GFPT1: variants seen among roughly 807,000 people sequenced by gnomAD.
GFPT1 encodes the protein glutamine--fructose-6-phosphate transaminase 1.
A neutral mutation model predicts 92.0 loss-of-function variants in GFPT1; 40 were observed. That is an observed-to-expected ratio of 0.43 (90% CI 0.34 to 0.57). The LOEUF is 0.57. GFPT1 is among the 20% of genes least tolerant of loss of function. GFPT1 has a pLI of 0.02. For missense variants in GFPT1, 448 were observed against 869.1 expected, an observed-to-expected ratio of 0.52 and a Z score of 6.09; for synonymous variants, 269 against 280.6, an observed-to-expected ratio of 0.96 and a Z score of 0.41.
At chr2:69,374,319 C>CTT (rs5831970) in intron 1 of GFPT1, among the ~76,000 whole-genome samples, 295 of 144,306 alleles carry the variant, frequency 2.0e-3, no homozygotes, top group Middle Eastern at 0.011. Context: ...ATAATTTTTT[C>CTT]TTTTTTTTTT....
At chr2:69,328,875 G>A (rs767824551) in intron 17 of GFPT1, among the ~76,000 whole-genome samples, 2 of 151,744 alleles carry the variant, frequency 1.3e-5, no homozygotes, top group Admixed American at 6.6e-5. Context: ...TAATGTTTTT[G>A]TATTATTAGT....
Position 69,329,721 on chromosome 2 carries a change from T to C in GFPT1, c.1560A>G (p.Arg520=). ...MCDDRISMQE[R]RKEIMLGLKR... is the part of the protein sequence containing the mutation. ...TCAATCCAAGCATGATCTCTTTGCG[T>C]CTTTCTTGCATGGAGATCCGATCAT... Residue 520 remains arginine, a synonymous_variant, in exon 16 of 20, where the codon AGA becomes AGG. Transcript: ENST00000357308. 1 of 1,612,926 alleles carries C rather than the reference T, an allele frequency of 6.2e-7. No homozygotes were observed. The highest frequency in any genetic ancestry group is 8.5e-7 in the Non-Finnish European group (1 of 1,178,922).
At position 69,322,299 on chromosome 2, in the gene GFPT1, G is replaced by A. The variant is rs1670419111; in HGVS notation, c.*3890C>T. 1 of 152,036 alleles carries A rather than the reference G, an allele frequency of 6.6e-6. No homozygotes were observed. Among genetic ancestry groups the A allele is most frequent in the African/African-American group, 2.4e-5 (1 of 41,408 alleles). 9.4% of individuals were successfully genotyped at this position (152,036 alleles called of 1,614,324 possible). A position where few individuals can be genotyped will look rare whatever the true frequency, so the allele number is the denominator to read the frequency against. On this transcript the variant is annotated 3_prime_UTR_variant, in exon 20 of 20. Transcript: ENST00000357308. ...GATCCTTTTCAATAATACTTTCAATGACATTGTGCTTCTTTAGAAAAATCA... is the reference window on the plus strand; with the variant it reads ...GATCCTTTTCAATAATACTTTCAATAACATTGTGCTTCTTTAGAAAAATCA...
In GFPT1 at chr2:69,370,925, G is replaced by A. The variant is rs1011622623; in HGVS notation, c.116-817C>T. On this transcript the variant is annotated intron_variant, in intron 2 of 19. Coordinates refer to ENST00000357308, the MANE Select transcript of GFPT1 (RefSeq NM_001244710.2). Reference sequence around the variant, plus strand: ...TGAGGCAGGAGAATGGCTTGAACCCGAGAGGTGGAGGTTGCAGTGAGCTGA... The same window carrying A: ...TGAGGCAGGAGAATGGCTTGAACCCAAGAGGTGGAGGTTGCAGTGAGCTGA... Among the ~76,000 whole-genome samples the A allele has an allele frequency of 3.3e-5, 5 of 151,676 alleles. 1 individual carries two copies. Among genetic ancestry groups the A allele is most frequent in the Admixed American group, 2.6e-4 (4 of 15,236 alleles).
intron 18 of GFPT1, 136 bp downstream of exon 18, chr2:69,328,135 T>G: frequency 1.6e-6 from 1 of 636,694 alleles, no homozygotes; most frequent in South Asian, 1.5e-5. Flanking sequence ...ATCTGATTCC[T>G]CACATGTAAA....
chr2:69,366,622 A>G (rs1055965259), intron 3 of GFPT1, among the ~76,000 whole-genome samples: 15 of 152,204 alleles, frequency 9.9e-5, no homozygotes. Context: ...AGTTCATCAT[A>G]TCTTTTCTAT....
intron 17 of GFPT1, among the ~76,000 whole-genome samples, chr2:69,328,837 AT>A (rs1670593688): frequency 1.3e-5 from 2 of 151,380 alleles, no homozygotes; most frequent in African/African-American, 4.9e-5. Flanking sequence ...AGTAGCTGGG[AT>A]TATAGTCATG....
At chr2:69,371,828 C>A (rs188527463) in intron 2 of GFPT1, among the ~76,000 whole-genome samples, 103 of 150,762 alleles carry the variant, frequency 6.8e-4, no homozygotes, top group Middle Eastern at 3.5e-3. Flanking sequence ...CAGAGCAAGA[C>A]TCCATCTCAA....
At chr2:69,374,480 AT>A (rs1433877391) in intron 1 of GFPT1, among the ~76,000 whole-genome samples, 1 of 151,874 alleles carries the variant, frequency 6.6e-6, no homozygotes, top group Non-Finnish European at 1.5e-5. Flanking sequence ...CGCCCAGCTA[AT>A]TTTTTGTATA....
intron 1 of GFPT1, among the ~76,000 whole-genome samples, chr2:69,381,911 T>C (rs2104702676): frequency 6.6e-6 from 1 of 151,386 alleles, no homozygotes; most frequent in Middle Eastern, 3.4e-3. Context: ...TCACCCAGGC[T>C]GGGGTACAGT....
intron 17 of GFPT1, among the ~76,000 whole-genome samples, chr2:69,329,078 G>C (rs556908344): frequency 6.6e-6 from 1 of 152,106 alleles, no homozygotes; most frequent in Non-Finnish European, 1.5e-5. Context: ...CAAGTTACTT[G>C]CTAAATCCAA....
At chr2:69,333,745 G>T (rs1197883669) in intron 15 of GFPT1, among the ~76,000 whole-genome samples, 2 of 152,170 alleles carry the variant, frequency 1.3e-5, no homozygotes, top group African/African-American at 2.4e-5. Flanking sequence ...CTGATACTAT[G>T]AGAAACTCAG....
rs1284334354 is a variant in GFPT1, at chr2:69,321,393, G to A, written c.*4796C>T. On this transcript the variant is annotated 3_prime_UTR_variant, in exon 20 of 20. Transcript: ENST00000357308. ...CTTAAAATCAACAGTAATGAATAAA[G>A]TTTTGACATCAGAAATGTTTACAAC... The A allele has an allele frequency of 1.3e-5, 2 of 152,164 alleles. No homozygotes were observed. The highest frequency in any genetic ancestry group is 4.8e-5 in the African/African-American group (2 of 41,432). The allele number at this position is 152,164 out of a possible 1,614,324, so 9.4% of individuals were successfully genotyped here. A position where few individuals can be genotyped will look rare whatever the true frequency, so the allele number is the denominator to read the frequency against.
intron 4 of GFPT1, among the ~76,000 whole-genome samples, chr2:69,361,087 T>C (rs1671461169): frequency 1.3e-5 from 2 of 152,040 alleles, no homozygotes; most frequent in Non-Finnish European, 2.9e-5. Context: ...CTGACAGTAA[T>C]TAGAAACCAA....
chr2:69,351,369 A>G (rs1391608436), intron 9 of GFPT1, among the ~76,000 whole-genome samples: 1 of 152,246 alleles, frequency 6.6e-6, no homozygotes, highest in Non-Finnish European at 1.5e-5. Context: ...CCTAGAGACA[A>G]AAATGCACCT....
chr2:69,370,789 A>G (rs941779687), intron 2 of GFPT1, among the ~76,000 whole-genome samples: 1 of 152,182 alleles, frequency 6.6e-6, no homozygotes, highest in East Asian at 1.9e-4. Context: ...GAAGTGTGGA[A>G]TACCTCAAAG....
chr2:69,375,345 GTCT>G (rs1448877116), intron 1 of GFPT1, among the ~76,000 whole-genome samples: 2 of 152,120 alleles, frequency 1.3e-5, no homozygotes, highest in Admixed American at 6.5e-5. Flanking sequence ...CAAAAAACTA[GTCT>G]TCATTTCCAT....
intron 12 of GFPT1, 97 bp from the exon 13 acceptor site, chr2:69,342,346 T>C (rs1158280722): frequency 5.2e-6 from 4 of 764,276 alleles, no homozygotes; most frequent in Admixed American, 3.7e-5. Flanking sequence ...TGAGGAAGAA[T>C]ACTGCTGTTT....
chr2:69,359,011 C>CA (rs1247508628), intron 5 of GFPT1, among the ~76,000 whole-genome samples: 21 of 152,176 alleles, frequency 1.4e-4, no homozygotes, highest in African/African-American at 5.1e-4. Context: ...AATGTCTCCA[C>CA]AAAATTCCAA....
Sources: gnomAD v4.1 joint callset for allele counts (sites outside exome capture counted in the v4.1 genomes callset) on GRCh38, gnomAD v4.1.1 for gene constraint, MANE v1.5 for transcripts, NCBI Gene and HGNC (gene_info 2026-07-23, HGNC 2026-07-21) for gene names.